The following SNAI3 variants were observed in gnomAD, a reference collection of about 807,000 sequenced individuals.
SNAI3 encodes the protein snail family transcriptional repressor 3.
Under a neutral mutation model 16.4 loss-of-function variants are expected in SNAI3, and 21 were observed. That is an observed-to-expected ratio of 1.28 (90% CI 0.91 to 1.85). The LOEUF (loss-of-function observed/expected upper bound fraction) is 1.85. Ranked by LOEUF, SNAI3 falls within the 40% of genes most tolerant of loss-of-function variation. The pLI is 0.00. For synonymous variants in SNAI3, 202 were observed against 166.6 expected, an observed-to-expected ratio of 1.21 and a Z score of -1.64; for missense variants, 457 against 372.8, an observed-to-expected ratio of 1.23 and a Z score of -1.86.
intron 1 of SNAI3, among the ~76,000 whole-genome samples, chr16:88,684,558 C>T (rs1404785567): frequency 1.3e-5 from 2 of 152,130 alleles, no homozygotes; most frequent in African/African-American, 2.4e-5. Flanking sequence ...TGCAGGGGCG[C>T]GATCGTGGCT....
chr16:88,682,807 G>A (rs1410418396), intron 1 of SNAI3, among the ~76,000 whole-genome samples: 12 of 90,560 alleles, frequency 1.3e-4, no homozygotes, highest in Admixed American at 6.6e-4. Flanking sequence ...ACGGAGTCTC[G>A]CTCTGTTGCC....
intron 1 of SNAI3, among the ~76,000 whole-genome samples, chr16:88,682,606 G>A (rs999555512): frequency 3.9e-5 from 6 of 152,140 alleles, no homozygotes; most frequent in African/African-American, 7.2e-5. Flanking sequence ...TCCATGCTGA[G>A]GCTTTGGGTA....
rs71158747 is a variant in SNAI3 at position 88,682,762 on chromosome 16, A to ATTTTTTTT, written c.77-1056_77-1049dup. Among the ~76,000 whole-genome samples, 584 of 60,686 alleles carry ATTTTTTTT rather than the reference A, an allele frequency of 9.6e-3. 114 individuals carry two copies. Among genetic ancestry groups the ATTTTTTTT allele is most frequent in the Non-Finnish European group, 9.5e-3 (314 of 33,206 alleles). 39.8% of individuals were successfully genotyped at this position (60,686 alleles called of 152,430 possible). On this transcript the variant is annotated intron_variant, in intron 1 of 2. Coordinates refer to ENST00000332281, the MANE Select transcript of SNAI3 (RefSeq NM_178310.4). ...AATACAATTTTAATATGGGCAAGGGATTTTTTTTTTTTTTTTTTTTTTTTT... is the reference window on the plus strand; with the variant it reads ...AATACAATTTTAATATGGGCAAGGGATTTTTTTTTTTTTTTTTTTTTTTTTTTTTTTTT...
At position 88,682,762 on chromosome 16, in the gene SNAI3, A is replaced by ATTTTTTTTTTTTTTTTTTT. The variant is rs71158747; in HGVS notation, c.77-1067_77-1049dup. On this transcript the variant is annotated intron_variant, in intron 1 of 2. Coordinates refer to ENST00000332281, the MANE Select transcript of SNAI3 (RefSeq NM_178310.4). ...AATACAATTTTAATATGGGCAAGGG[A>ATTTTTTTTTTTTTTTTTTT]TTTTTTTTTTTTTTTTTTTTTTTTT... 8.6e-4 allele frequency among the ~76,000 whole-genome samples: 52 copies of ATTTTTTTTTTTTTTTTTTT among 60,696 alleles called. 12 individuals are homozygous for ATTTTTTTTTTTTTTTTTTT. Among genetic ancestry groups the ATTTTTTTTTTTTTTTTTTT allele is most frequent in the Non-Finnish European group, 1.4e-3 (45 of 33,214 alleles). 39.8% of individuals were successfully genotyped at this position (60,696 alleles called of 152,430 possible).
At chr16:88,682,649 T>C (rs1391137342) in intron 1 of SNAI3, among the ~76,000 whole-genome samples, 3 of 151,876 alleles carry the variant, frequency 2.0e-5, no homozygotes, top group Non-Finnish European at 4.4e-5. Flanking sequence ...GGAGAAAATA[T>C]TTGCAAATCA....
intron 2 of SNAI3, among the ~76,000 whole-genome samples, chr16:88,679,883 C>T (rs1909106427): frequency 6.6e-6 from 1 of 151,868 alleles, no homozygotes; most frequent in African/African-American, 2.4e-5. Flanking sequence ...AGTTCAAGAC[C>T]AGCCTGGGCA....
rs888435259 is a variant in SNAI3 at position 88,686,466 on chromosome 16, G to A, written c.-60C>T. ...GGGCGGGAGGGGCGCGCCTGGGTCC[G>A]GACTGCTGCGTCCGCCGGCGCTTGA... On this transcript the variant is annotated 5_prime_UTR_variant, in exon 1 of 3. Transcript: ENST00000332281. 3.2e-6 allele frequency: 5 copies of A among 1,580,612 alleles called. No homozygotes were observed. In the Admixed American group the frequency reaches 5.3e-5, roughly 17 times the overall value.
rs200646125 is a variant in SNAI3, at chr16:88,678,647, C to G, written c.698-18G>C. 1.4e-6 allele frequency: 2 copies of G among 1,465,956 alleles called. No homozygotes were observed. The highest frequency in any genetic ancestry group is 4.5e-5 in the East Asian group (2 of 44,108). The allele number at this position is 1,465,956 out of a possible 1,614,324, so 90.8% of individuals were successfully genotyped here. A position where few individuals can be genotyped will look rare whatever the true frequency, so the allele number is the denominator to read the frequency against. On this transcript the variant is annotated intron_variant, in intron 2 of 2. Coordinates refer to ENST00000332281, the MANE Select transcript of SNAI3 (RefSeq NM_178310.4). ...CTTCTCCCCTGTGGGAGGAAGGCGG[C>G]GGCCAGTGACACCATGGAAGATGGA...
At position 88,684,244 on chromosome 16, in the gene SNAI3, A is replaced by G. The variant is rs552255954; in HGVS notation, c.76+2087T>C. ...GCTTTGCTGGGGCCTCTCTGCAGGA[A>G]AAAGTCACCATTTCTTTTTTCCATC... is the stretch of plus-strand genomic sequence containing the variant. On this transcript the variant is annotated intron_variant, in intron 1 of 2. Transcript: ENST00000332281. Among the ~76,000 whole-genome samples, 362 of 152,308 alleles carry G rather than the reference A, an allele frequency of 2.4e-3. 1 individual carries two copies. The highest frequency in any genetic ancestry group is 3.8e-3 in the Non-Finnish European group (261 of 68,016).
chr16:88,679,005 G>A, intron 2 of SNAI3: 1 of 985,452 alleles, frequency 1.0e-6, no homozygotes, highest in Non-Finnish European at 1.2e-6. Context: ...CCTTGAGGAG[G>A]CAGAATTTAG....
rs551934771 is a variant in SNAI3, at chr16:88,682,873, C to T, written c.77-1159G>A. Among the ~76,000 whole-genome samples the T allele has an allele frequency of 2.8e-5, 4 of 143,196 alleles. No homozygotes were observed. In the Admixed American group the frequency reaches 3.0e-4, roughly 11 times the overall value. 93.9% of individuals were successfully genotyped at this position (143,196 alleles called of 152,430 possible). A position where few individuals can be genotyped will look rare whatever the true frequency, so the allele number is the denominator to read the frequency against. On this transcript the variant is annotated intron_variant, in intron 1 of 2. Coordinates refer to ENST00000332281, the MANE Select transcript of SNAI3 (RefSeq NM_178310.4). ...CACTGTAACCTCCACCTCCTGGGTT[C>T]AAGCGATTCTCCTGCCTCAGCCTCC...
chr16:88,681,397 G>A lies in SNAI3; in HGVS notation c.394C>T (p.Arg132Trp), dbSNP rs761698218. The change falls in exon 2 of 3, where the codon CGG becomes TGG. Residue 132 changes from arginine (R) to tryptophan (W), a missense_variant. Physicochemically the swap from Arg to Trp is moderately radical, Grantham distance 101. Coordinates refer to ENST00000332281, the MANE Select transcript of SNAI3 (RefSeq NM_178310.4). This position sits in a 1 kb window ranked among gnomAD's most constrained non-coding sequence, Gnocchi z 5.4. ...AGCAGTTTTTCCGGAGCCCCGTGCC[G>A]GTCTGGGCCCAAGGTCGGGGACCAC... ...TRWSPTLGPD[R>W]HGAPEKLLGA... 17 of 1,612,116 alleles carry A rather than the reference G, an allele frequency of 1.1e-5. No individual in the cohort carries two copies. Among genetic ancestry groups the A allele is most frequent in the South Asian group, 6.6e-5 (6 of 91,006 alleles).
At position 88,686,166 on chromosome 16, in the gene SNAI3, G is replaced by C. The variant is rs1909351785; in HGVS notation, c.76+165C>G. The C allele has an allele frequency of 1.8e-5, 16 of 893,534 alleles. 1 individual carries two copies. The South Asian group carries it at 2.4e-4, about 14-fold the overall frequency. 55.4% of individuals were successfully genotyped at this position (893,534 alleles called of 1,614,324 possible). ...TGCCCTGAAGTGGAGGCGCCCGTGG[G>C]CCACCTCCCTCCCTGCAGCCGCAGC... On this transcript the variant is annotated intron_variant, in intron 1 of 2. Coordinates refer to ENST00000332281, the MANE Select transcript of SNAI3 (RefSeq NM_178310.4).
rs1257361688 is a variant in SNAI3, at chr16:88,681,935, C to T, written c.77-221G>A. 6.6e-6 allele frequency among the ~76,000 whole-genome samples: 1 copy of T among 152,104 alleles called. No homozygotes were observed. The highest frequency in any genetic ancestry group is 1.5e-5 in the Non-Finnish European group (1 of 68,012). ...AGTGGAGTCATCTAGAACAAGAAGG[C>T]CCCGCGGTCTAGAGAGCGAATCTCA... On this transcript the variant is annotated intron_variant, in intron 1 of 2. Coordinates refer to ENST00000332281, the MANE Select transcript of SNAI3 (RefSeq NM_178310.4). This position sits in a 1 kb window ranked among gnomAD's most constrained non-coding sequence, Gnocchi z 5.4.
At chr16:88,679,265 T>G (rs1007661638) in intron 2 of SNAI3, among the ~76,000 whole-genome samples, 4 of 152,146 alleles carry the variant, frequency 2.6e-5, no homozygotes, top group African/African-American at 7.2e-5. Flanking sequence ...ACTCCCAGGC[T>G]GAGGGCACCA....
chr16:88,679,030 C>T, intron 2 of SNAI3: 2 of 985,454 alleles, frequency 2.0e-6, no homozygotes, highest in Non-Finnish European at 2.4e-6. Flanking sequence ...CACCTCCCAT[C>T]AGGACAACAG....
chr16:88,680,371 C>T (rs1909126026), intron 2 of SNAI3, among the ~76,000 whole-genome samples: 2 of 145,702 alleles, frequency 1.4e-5, no homozygotes, highest in African/African-American at 5.0e-5. Flanking sequence ...CCGCAACCTC[C>T]ACCTCCTGGG....
At position 88,678,355 on chromosome 16, in the gene SNAI3, G is replaced by T. The variant is rs969764208; in HGVS notation, c.*93C>A. 5 of 618,724 alleles carry T rather than the reference G, an allele frequency of 8.1e-6. No individual in the cohort carries two copies. The highest frequency in any genetic ancestry group is 1.5e-5 in the Non-Finnish European group (5 of 343,724). 38.3% of individuals were successfully genotyped at this position (618,724 alleles called of 1,614,324 possible). On this transcript the variant is annotated 3_prime_UTR_variant, in exon 3 of 3. Coordinates refer to ENST00000332281, the MANE Select transcript of SNAI3 (RefSeq NM_178310.4). ...CGCACCAAGTGTGAGGCCAGGCCCC[G>T]CCCTCCCAGACTCCTGGCTCCTCTG...
rs535153755 is a variant in SNAI3 at position 88,678,310 on chromosome 16, T to A, written c.*138A>T. The stretch of plus-strand genomic sequence containing the variant: ...CCCCGCTGGACTTCTTTGGTTCTGA[T>A]TGGACGCAGATGTGGAGGACGCACC... On this transcript the variant is annotated 3_prime_UTR_variant, in exon 3 of 3. Coordinates refer to ENST00000332281, the MANE Select transcript of SNAI3 (RefSeq NM_178310.4). 3 of 591,016 alleles carry A rather than the reference T, an allele frequency of 5.1e-6. No homozygotes were observed. The highest frequency in any genetic ancestry group is 1.9e-5 in the African/African-American group (1 of 53,546). The allele number at this position is 591,016 out of a possible 1,614,324, so 36.6% of individuals were successfully genotyped here. A position where few individuals can be genotyped will look rare whatever the true frequency, so the allele number is the denominator to read the frequency against.
Sources: allele counts gnomAD v4.1 joint callset (sites outside exome capture counted in the v4.1 genomes callset), GRCh38; gene constraint gnomAD v4.1.1; non-coding constraint Gnocchi (gnomAD v3.1); transcripts MANE v1.5; gene names NCBI Gene and HGNC (gene_info 2026-07-23, HGNC 2026-07-21).